KYNU: variants seen among roughly 807,000 people sequenced by gnomAD.
The protein encoded by KYNU is kynureninase.
KYNU carries 54 observed loss-of-function variants against 59.2 expected under a neutral mutation model. That is an observed-to-expected ratio of 0.91 (90% CI 0.73 to 1.14). The LOEUF (loss-of-function observed/expected upper bound fraction) is 1.14, where lower values mean the gene tolerates loss of function less well. KYNU is among the 50% of genes most tolerant of loss of function. The probability of loss-of-function intolerance (pLI) is 0.00; values close to 1 mark genes in which losing one functional copy is unlikely to be tolerated. For missense variants in KYNU, 567 were observed against 554.4 expected (o/e 1.02, Z -0.23); for synonymous variants, 177 against 192.0 (o/e 0.92, Z 0.65).
At chr2:142,965,147 C>A (rs1485660436) in intron 8 of KYNU, among the ~76,000 whole-genome samples, 2 of 152,158 alleles carry the variant, frequency 1.3e-5, no homozygotes, top group Admixed American at 6.6e-5. Flanking sequence ...AAATAGCCTG[C>A]ATCTTCCCAC....
Position 143,040,454 on chromosome 2 carries a change from A to C in KYNU, c.1068A>C (p.Ala356=), listed in dbSNP as rs1687011027. The change falls in exon 13 of 14, where the codon GCA becomes GCC. Residue 356 remains alanine (A), a synonymous_variant. Coordinates refer to ENST00000264170, the MANE Select transcript of KYNU (RefSeq NM_003937.3). ...TCTTTAAGCAAGCGACAATGAAGGC[A>C]TTGCGGAAAAAATCTGTTTTGCTAA... ...LEIFKQATMK[A]LRKKSVLLTG... The C allele has an allele frequency of 6.2e-7, 1 of 1,612,930 alleles. No homozygotes were observed. The highest frequency in any genetic ancestry group is 8.5e-7 in the Non-Finnish European group (1 of 1,179,198).
intron 2 of KYNU, among the ~76,000 whole-genome samples, chr2:142,906,851 G>A (rs945155853): frequency 1.8e-4 from 28 of 152,292 alleles, no homozygotes; most frequent in Non-Finnish European, 3.4e-4. Flanking sequence ...ACAGCTTTCT[G>A]CCTCTAGTTG....
intron 2 of KYNU, among the ~76,000 whole-genome samples, chr2:142,898,731 C>T (rs1295290464): frequency 6.6e-6 from 1 of 152,120 alleles, no homozygotes; most frequent in African/African-American, 2.4e-5. Flanking sequence ...CGGGCCGCTC[C>T]CAAGATGGCA....
chr2:142,968,739 C>T (rs182960574), intron 8 of KYNU, among the ~76,000 whole-genome samples: 57 of 152,142 alleles, frequency 3.7e-4, no homozygotes, highest in Middle Eastern at 3.4e-3. Context: ...CATGTTGAAA[C>T]ATCGCCTATA....
At chr2:142,885,283 C>T in intron 1 of KYNU, 66 bp from the exon 2 acceptor site, 9 of 1,330,016 alleles carry the variant, frequency 6.8e-6, no homozygotes, top group Admixed American at 3.7e-5. Context: ...AGGTGTATTA[C>T]CTAAAGGGCT....
chr2:142,983,602 C>A (rs546542687), intron 8 of KYNU, among the ~76,000 whole-genome samples: 1 of 152,052 alleles, frequency 6.6e-6, no homozygotes, highest in Non-Finnish European at 1.5e-5. Context: ...TACTAGGATA[C>A]ACTTAAGCAG....
rs1687268068 is a variant in KYNU, at chr2:143,051,622, A to G, written c.*9450A>G. The G allele has an allele frequency of 6.6e-6, 1 of 152,084 alleles. No individual in the cohort carries two copies. Among genetic ancestry groups the G allele is most frequent in the Admixed American group, 6.5e-5 (1 of 15,272 alleles). The allele number at this position is 152,084 out of a possible 1,614,324, so 9.4% of individuals were successfully genotyped here. On this transcript the variant is annotated 3_prime_UTR_variant, in exon 14 of 14. Transcript: ENST00000264170. ...CATGATGTTCTCATGATAATGAATAAGTTTCATGAGATCTGTTGGTTTCAT... is the reference window on the plus strand; with the variant it reads ...CATGATGTTCTCATGATAATGAATAGGTTTCATGAGATCTGTTGGTTTCAT...
chr2:142,880,595 G>C (rs1681261552), intron 1 of KYNU, among the ~76,000 whole-genome samples: 1 of 152,100 alleles, frequency 6.6e-6, no homozygotes, highest in African/African-American at 2.4e-5. Flanking sequence ...TTAAATTCTA[G>C]CTCCTGTATC....
chr2:143,036,393 A>G (rs546633292), intron 12 of KYNU, among the ~76,000 whole-genome samples: 1 of 152,152 alleles, frequency 6.6e-6, no homozygotes, highest in East Asian at 1.9e-4. Context: ...CCGATTGGCT[A>G]GTAACTTAGA....
chr2:143,037,484 CAGA>C (rs1250660696), intron 12 of KYNU, among the ~76,000 whole-genome samples: 1 of 152,094 alleles, frequency 6.6e-6, no homozygotes, highest in Admixed American at 6.6e-5. Context: ...CATGGCGAGT[CAGA>C]AGACTCAACA....
At chr2:142,996,409 GGGTC>G (rs536038857) in intron 10 of KYNU, among the ~76,000 whole-genome samples, 130 of 152,136 alleles carry the variant, frequency 8.5e-4, no homozygotes, top group African/African-American at 3.0e-3. Flanking sequence ...TGTAGGGACG[GGGTC>G]TCATTGTGTT....
At chr2:142,889,005 A>C (rs866635650) in intron 2 of KYNU, among the ~76,000 whole-genome samples, 1 of 151,820 alleles carries the variant, frequency 6.6e-6, no homozygotes, top group Middle Eastern at 3.4e-3. Context: ...CTGAACAAAG[A>C]TGACAGCACA....
chr2:142,959,905 A>C (rs533455988), intron 7 of KYNU, among the ~76,000 whole-genome samples: 6 of 152,186 alleles, frequency 3.9e-5, no homozygotes, highest in Admixed American at 3.9e-4. Context: ...TGTAAGTGTT[A>C]TGTTTTCTTT....
chr2:142,924,264 C>A (rs1682980296), intron 3 of KYNU, among the ~76,000 whole-genome samples: 3 of 151,970 alleles, frequency 2.0e-5, no homozygotes, highest in Admixed American at 2.0e-4. Flanking sequence ...GCCACCAAGC[C>A]TGGTTAATTT....
intron 10 of KYNU, among the ~76,000 whole-genome samples, chr2:143,000,107 C>A (rs1157971946): frequency 6.6e-6 from 1 of 152,066 alleles, no homozygotes; most frequent in Non-Finnish European, 1.5e-5. Flanking sequence ...AATTAGCTAC[C>A]AATGGCCCCA....
rs180898302 is a variant in KYNU, at chr2:142,882,895, G to A, written c.-19-2454G>A. Among the ~76,000 whole-genome samples, 512 of 152,204 alleles carry A rather than the reference G, an allele frequency of 3.4e-3. 5 individuals are homozygous for A. The highest frequency in any genetic ancestry group is 0.012 in the African/African-American group (479 of 41,512). Reference sequence around the variant, plus strand: ...GTATTTCTGCTTCTAGATCCTTGAGGAATCACCACACTGTCTTCCACAATG... The same window carrying A: ...GTATTTCTGCTTCTAGATCCTTGAGAAATCACCACACTGTCTTCCACAATG... On this transcript the variant is annotated intron_variant, in intron 1 of 13. Transcript: ENST00000264170.
chr2:142,953,294 A>C (rs1184312043), intron 4 of KYNU, among the ~76,000 whole-genome samples: 1 of 152,224 alleles, frequency 6.6e-6, no homozygotes, highest in Admixed American at 6.5e-5. Context: ...ATTGAAGTCA[A>C]CCTCTCAGGG....
chr2:143,021,597 C>A (rs551363144), intron 10 of KYNU, among the ~76,000 whole-genome samples: 1 of 152,060 alleles, frequency 6.6e-6, no homozygotes, highest in African/African-American at 2.4e-5. Flanking sequence ...AGGCACCTCA[C>A]GTGGCAGGAG....
At chr2:142,883,167 C>T (rs1178359378) in intron 1 of KYNU, among the ~76,000 whole-genome samples, 4 of 113,244 alleles carry the variant, frequency 3.5e-5, no homozygotes, top group Non-Finnish European at 5.8e-5. Context: ...TTTCAGTTTT[C>T]TTTCTGGCTC....
Sources: allele counts gnomAD v4.1 joint callset (sites outside exome capture counted in the v4.1 genomes callset), GRCh38; gene constraint gnomAD v4.1.1; transcripts MANE v1.5; gene names NCBI Gene and HGNC (gene_info 2026-07-23, HGNC 2026-07-21).